TSHZ2: variants seen among roughly 807,000 people sequenced by gnomAD.
TSHZ2 encodes the protein teashirt homolog 2.
A neutral mutation model predicts 74.4 loss-of-function variants in TSHZ2; 21 were observed. The observed-to-expected ratio is 0.28, with a 90% CI of 0.20 to 0.41. TSHZ2 has a LOEUF of 0.41. TSHZ2 is among the 10% of genes least tolerant of loss of function. The pLI is 1.00. For synonymous variants in TSHZ2, 540 were observed against 515.3 expected (o/e 1.05, Z -0.65); for missense variants, 1,244 against 1,293.5 (o/e 0.96, Z 0.59).
chr20:53,345,682 C>A lies in TSHZ2; in HGVS notation c.*8+89111C>A, dbSNP rs190523624. ...ATCTGATCCCGCCTGCCCGCCCCCC[C>A]ATTCTGTTGATTATATCTTTCATCC... On this transcript the variant is annotated intron_variant, in intron 2 of 2. Coordinates refer to ENST00000371497, the MANE Select transcript of TSHZ2 (RefSeq NM_173485.6). Among the ~76,000 whole-genome samples, 20 of 151,482 alleles carry A rather than the reference C, an allele frequency of 1.3e-4. No individual in the cohort carries two copies. In the East Asian group the frequency reaches 3.3e-3, roughly 25 times the overall value.
At chr20:53,009,310 C>G (rs1982767231) in intron 1 of TSHZ2, among the ~76,000 whole-genome samples, 1 of 152,056 alleles carries the variant, frequency 6.6e-6, no homozygotes, top group Admixed American at 6.6e-5. Flanking sequence ...TGTACTCCAG[C>G]CTGGGTGATA....
intron 2 of TSHZ2, among the ~76,000 whole-genome samples, chr20:53,467,469 A>C (rs1464858908): frequency 6.6e-6 from 1 of 152,250 alleles, no homozygotes; most frequent in Non-Finnish European, 1.5e-5. Context: ...GCAATGCAGC[A>C]AAATTATAAA....
intron 1 of TSHZ2, among the ~76,000 whole-genome samples, chr20:53,115,365 T>A (rs1010351509): frequency 6.6e-6 from 1 of 152,144 alleles, no homozygotes; most frequent in Non-Finnish European, 1.5e-5. Flanking sequence ...CCTATGCTGT[T>A]CTCATGGTAG....
chr20:53,272,282 T>C (rs140555719), intron 2 of TSHZ2, among the ~76,000 whole-genome samples: 13,530 of 152,110 alleles, frequency 0.089, 737 homozygotes, highest in Admixed American at 0.19. Context: ...AGTGCTAGGA[T>C]TACAGGCATG....
chr20:53,426,311 G>T (rs1983653190), intron 2 of TSHZ2, among the ~76,000 whole-genome samples: 2 of 152,076 alleles, frequency 1.3e-5, no homozygotes, highest in South Asian at 4.1e-4. Context: ...ATGAAAAATA[G>T]GCCTCTAATT....
chr20:53,163,936 CCATT>C (rs1377194427), intron 1 of TSHZ2, among the ~76,000 whole-genome samples: 2 of 152,094 alleles, frequency 1.3e-5, no homozygotes, highest in East Asian at 1.9e-4. Context: ...CTGGTTTTCT[CCATT>C]AATTATGTCA....
At chr20:53,189,151 T>G (rs1988672717) in intron 1 of TSHZ2, among the ~76,000 whole-genome samples, 1 of 152,224 alleles carries the variant, frequency 6.6e-6, no homozygotes, top group African/African-American at 2.4e-5. Context: ...AATTCTAAAT[T>G]CAGAATCTAG....
chr20:53,124,545 G>A (rs2123363128), intron 1 of TSHZ2, among the ~76,000 whole-genome samples: 1 of 152,314 alleles, frequency 6.6e-6, no homozygotes, highest in South Asian at 2.1e-4. Flanking sequence ...ACATGACCAG[G>A]AATTGCCAAC....
Position 53,483,406 on chromosome 20 carries a change from G to A in TSHZ2, c.*9-3738G>A, listed in dbSNP as rs147067758. On this transcript the variant is annotated intron_variant, in intron 2 of 2. Coordinates refer to ENST00000371497, the MANE Select transcript of TSHZ2 (RefSeq NM_173485.6). ...CGCACCTGTAGTCCCAGCTACTCAG[G>A]AGGCTAACGTGGGAGGATGGATTGA... Among the ~76,000 whole-genome samples the A allele has an allele frequency of 3.3e-5, 5 of 152,264 alleles. No individual in the cohort carries two copies. The East Asian group carries it at 7.7e-4, about 24-fold the overall frequency.
chr20:53,077,926 C>T (rs1468185951), intron 1 of TSHZ2, among the ~76,000 whole-genome samples: 1 of 152,236 alleles, frequency 6.6e-6, no homozygotes, highest in African/African-American at 2.4e-5. Context: ...CCTCTGAGTA[C>T]TGCAGCAGAA....
chr20:53,049,948 G>T (rs1984365490), intron 1 of TSHZ2, among the ~76,000 whole-genome samples: 1 of 151,440 alleles, frequency 6.6e-6, no homozygotes, highest in Admixed American at 6.6e-5. Context: ...CTGGCTTGGT[G>T]GTGCATGCCT....
At chr20:53,042,263 T>C (rs955332683) in intron 1 of TSHZ2, among the ~76,000 whole-genome samples, 7 of 152,204 alleles carry the variant, frequency 4.6e-5, no homozygotes, top group Non-Finnish European at 8.8e-5. Flanking sequence ...CATTTTAGGA[T>C]CATCTGAAGT....
intron 1 of TSHZ2, among the ~76,000 whole-genome samples, chr20:53,050,010 G>A (rs1600665634): frequency 1.3e-5 from 2 of 150,710 alleles, no homozygotes; most frequent in African/African-American, 4.9e-5. Context: ...TGAACCTGGA[G>A]GCGGACGTTG....
At chr20:53,422,514 G>A (rs1983511311) in intron 2 of TSHZ2, among the ~76,000 whole-genome samples, 1 of 152,078 alleles carries the variant, frequency 6.6e-6, no homozygotes, top group Non-Finnish European at 1.5e-5. Flanking sequence ...GAAGAAGAGA[G>A]TTGAAAAAAA....
At chr20:53,438,183 C>G (rs1356657215) in intron 2 of TSHZ2, among the ~76,000 whole-genome samples, 1 of 149,790 alleles carries the variant, frequency 6.7e-6, no homozygotes, top group Admixed American at 6.7e-5. Context: ...AGTCTCGGCT[C>G]ATTGCAACCT....
At chr20:53,134,168 A>G (rs1183879302) in intron 1 of TSHZ2, among the ~76,000 whole-genome samples, 1 of 152,180 alleles carries the variant, frequency 6.6e-6, no homozygotes, top group Admixed American at 6.6e-5. Context: ...ACGCCAGACC[A>G]ATAGCAACCT....
At chr20:52,993,577 G>A (rs1006135036) in intron 1 of TSHZ2, among the ~76,000 whole-genome samples, 1 of 152,152 alleles carries the variant, frequency 6.6e-6, no homozygotes, top group Non-Finnish European at 1.5e-5. Flanking sequence ...AAGCAGGAAC[G>A]CTTGTTTGTA....
rs750453219 is a variant in TSHZ2 at position 53,175,131 on chromosome 20, C to CTTTTTTTTTTT, written c.41-78350_41-78340dup. ...CTCCTTCTCCTCCTTCTTCTTCTTT[C>CTTTTTTTTTTT]TTTTTTTTTTTTTTTTTTTTTTTTT... On this transcript the variant is annotated intron_variant, in intron 1 of 2. Transcript: ENST00000371497. Among the ~76,000 whole-genome samples, 79 of 63,640 alleles carry CTTTTTTTTTTT rather than the reference C, an allele frequency of 1.2e-3. 8 individuals carry two copies. Among genetic ancestry groups the CTTTTTTTTTTT allele is most frequent in the East Asian group, 6.7e-3 (8 of 1,198 alleles). 41.8% of individuals were successfully genotyped at this position (63,640 alleles called of 152,430 possible).
intron 1 of TSHZ2, among the ~76,000 whole-genome samples, chr20:53,029,747 G>A (rs1032436369): frequency 1.3e-5 from 2 of 152,288 alleles, no homozygotes; most frequent in East Asian, 1.9e-4. Flanking sequence ...GATGTGTGGC[G>A]AGGTGAACAA....
Sources: gnomAD v4.1 joint callset for allele counts (sites outside exome capture counted in the v4.1 genomes callset) on GRCh38, gnomAD v4.1.1 for gene constraint, MANE v1.5 for transcripts, NCBI Gene and HGNC (gene_info 2026-07-23, HGNC 2026-07-21) for gene names.